The following TTN variants were observed in gnomAD, a reference collection of about 807,000 sequenced individuals.
TTN encodes connectin.
A neutral mutation model predicts 3,223.0 loss-of-function variants in TTN; 1,525 were observed. That is an observed-to-expected ratio of 0.47 (90% confidence interval 0.45 to 0.49). TTN has a LOEUF of 0.49. Ranked by LOEUF, TTN falls within the 20% of genes least tolerant of loss-of-function variation. TTN has a pLI of 0.00. For synonymous variants in TTN, 14,094 were observed against 15,161.0 expected, an observed-to-expected ratio of 0.93 and a Z score of 5.17; for missense variants, 40,786 against 43,424.0, an observed-to-expected ratio of 0.94 and a Z score of 5.40.
chr2:178,649,275 TGGTAACA>T lies in TTN; in HGVS notation c.40023_40029del (p.Val13342LysfsTer45). ...TTTTCTGGAAGAACTTCTGGTTTTT[TGGTAACA>T]GGCACAGGTTCTTTCTTTACTGGAA... On this transcript the variant is annotated frameshift_variant, in exon 213 of 363. Transcript: ENST00000589042. LOFTEE classifies it high-confidence loss of function. 6.7e-7 allele frequency: 1 copy of T among 1,500,990 alleles called. No individual in the cohort carries two copies. Among genetic ancestry groups the T allele is most frequent in the Non-Finnish European group, 8.8e-7 (1 of 1,130,534 alleles). 93.0% of individuals were successfully genotyped at this position (1,500,990 alleles called of 1,614,324 possible). A position where few individuals can be genotyped will look rare whatever the true frequency, so the allele number is the denominator to read the frequency against.
rs181067357 is a variant in TTN at position 178,730,662 on chromosome 2, T to A, written c.17871A>T (p.Gln5957His). Residue 5957 changes from glutamine (Q) to histidine (H), a missense_variant, in exon 61 of 363, where the codon CAA becomes CAT. Transcript: ENST00000589042. ...PISIQWFKDDQEISASEKYKF... is the reference protein window; with the variant it reads ...PISIQWFKDDHEISASEKYKF... ...TGTACTTTTCACTAGCTGATATTTC[T>A]TGGTCATCTTTGAACCACTGGATGC... The A allele has an allele frequency of 1.9e-4, 303 of 1,613,706 alleles. No individual in the cohort carries two copies. The highest frequency in any genetic ancestry group is 2.0e-4 in the Non-Finnish European group (233 of 1,179,700).
At position 178,527,031 on chromosome 2, in the gene TTN, A is replaced by G. The variant is rs1060500541; in HGVS notation, c.107957T>C (p.Ile35986Thr). The G allele has an allele frequency of 1.2e-6, 2 of 1,613,474 alleles. No homozygotes were observed. The highest frequency in any genetic ancestry group is 3.3e-5 in the Admixed American group (2 of 60,002). Residue 35986 changes from isoleucine (I) to threonine (T), a missense_variant, in exon 363 of 363, where the codon ATA becomes ACA. Physicochemically the swap from Ile to Thr is moderately conservative, Grantham distance 89. Transcript: ENST00000589042. ...EFGSDSATVNIHIRSI is the reference protein window; with the variant it reads ...EFGSDSATVNTHIRSI ...GCCCTCTTAAATGGATCGAATATGT[A>G]TATTCACAGTGGCAGAGTCAGATCC...
Position 178,544,307 on chromosome 2 carries a change from G to T in TTN, c.95922C>A (p.Asp31974Glu), listed in dbSNP as rs1239268108. The change falls in exon 345 of 363, where the codon GAC (aspartate) becomes GAA (glutamate). Residue 31974 changes from aspartate (D) to glutamate (E), a missense_variant. By Grantham distance (45) the Asp-to-Glu change is conservative. Coordinates refer to ENST00000589042, the MANE Select transcript of TTN (RefSeq NM_001267550.2). ...TIRNTEFTVP[D>E]LKMGQKYSFR... ...AGGAATATTTCTGGCCCATTTTAAGGTCTGGCACAGTGAATTCAGTATTTC... is the reference window on the plus strand; with the variant it reads ...AGGAATATTTCTGGCCCATTTTAAGTTCTGGCACAGTGAATTCAGTATTTC... 1 of 1,613,746 alleles carries T rather than the reference G, an allele frequency of 6.2e-7. No homozygotes were observed.
chr2:178,741,434 T>G lies in TTN; in HGVS notation c.11799A>C (p.Gly3933=), dbSNP rs375518434. 3.7e-6 allele frequency: 6 copies of G among 1,613,882 alleles called. No homozygotes were observed. Among genetic ancestry groups the G allele is most frequent in the African/African-American group, 2.7e-5 (2 of 75,044 alleles). The change falls in exon 48 of 363, where the codon GGA becomes GGC. Residue 3933 remains glycine, a synonymous_variant. Coordinates refer to ENST00000589042, the MANE Select transcript of TTN (RefSeq NM_001267550.2). ...TAAGGAAGTGAGGAGGACAAGGACC[T>G]CCCAGCTTTTCCAGAGATTTTGCCA... is the stretch of plus-strand genomic sequence containing the variant. ...SAVAKSLEKL[G]GPCPPHFLKE... is the part of the protein sequence containing the mutation.
chr2:178,791,773 G>A (rs956026946), intron 10 of TTN, among the ~76,000 whole-genome samples: 10 of 151,710 alleles, frequency 6.6e-5, no homozygotes, highest in African/African-American at 2.4e-4. Flanking sequence ...CAACTGTCCC[G>A]GTGGGTAACT....
chr2:178,552,825 C>T lies in TTN; in HGVS notation c.90075G>A (p.Val30025=), dbSNP rs1161233801. Residue 30025 remains valine, a synonymous_variant, in exon 335 of 363, where the codon GTG becomes GTA. Coordinates refer to ENST00000589042, the MANE Select transcript of TTN (RefSeq NM_001267550.2). ...IGEPCETTEP[V]KAAEVPAPIR... The stretch of plus-strand genomic sequence containing the variant: ...TAGGAGCTGGTACTTCAGCAGCCTT[C>T]ACTGGCTCTGTAGTTTCACAGGGTT... The T allele has an allele frequency of 2.5e-6, 4 of 1,613,750 alleles. No individual in the cohort carries two copies. Among genetic ancestry groups the T allele is most frequent in the East Asian group, 2.2e-5 (1 of 44,860 alleles).
intron 69 of TTN, 119 bp downstream of exon 69, chr2:178,726,971 G>GA (rs2079447607): frequency 1.8e-6 from 2 of 1,116,268 alleles, no homozygotes; most frequent in East Asian, 5.6e-5. Context: ...TACTAGCTCA[G>GA]AAAAATATTC....
rs1440895469 is a variant in TTN, at chr2:178,547,151, T to C, written c.94374A>G (p.Glu31458=). ...KERNTILWVK[E]NKVPCLECNY... is the part of the protein sequence containing the mutation. ...TGCACTCTAAGCATGGCACTTTGTT[T>C]TCTTTCACCCAAAGAATTGTATTAC... The change falls in exon 340 of 363, where the codon GAA becomes GAG. Residue 31458 remains glutamate, a synonymous_variant. Transcript: ENST00000589042. The C allele has an allele frequency of 1.9e-6, 3 of 1,613,768 alleles. No homozygotes were observed. The highest frequency in any genetic ancestry group is 3.3e-5 in the Admixed American group (2 of 59,994).
chr2:178,789,548 A>T, intron 12 of TTN, 51 bp from the exon 13 acceptor site: 1 of 1,608,712 alleles, frequency 6.2e-7, no homozygotes, highest in Non-Finnish European at 8.5e-7. Context: ...CTTCAAACAC[A>T]CATAGTATGA....
Position 178,599,657 on chromosome 2 carries a change from A to G in TTN, c.56244T>C (p.Thr18748=). ...TCCTGCGAGACTGCGGAATAACTAAAGTGCAAGTATCATCTACCACCAGTT... is the reference window on the plus strand; with the variant it reads ...TCCTGCGAGACTGCGGAATAACTAAGGTGCAAGTATCATCTACCACCAGTT... ...VNKLVVDDTC[T]LVIPQSRRSD... is the part of the protein sequence containing the mutation. Residue 18748 remains threonine (T), a synonymous_variant, in exon 289 of 363, where the codon ACT becomes ACC. Transcript: ENST00000589042. The G allele has an allele frequency of 6.2e-7, 1 of 1,612,976 alleles. No homozygotes were observed. The highest frequency in any genetic ancestry group is 1.3e-5 in the African/African-American group (1 of 74,968).
rs147603843 is a variant in TTN at position 178,782,885 on chromosome 2, C to G, written c.3021G>C (p.Ala1007=). 1.2e-6 allele frequency: 2 copies of G among 1,614,056 alleles called. No individual in the cohort carries two copies. Among genetic ancestry groups the G allele is most frequent in the Non-Finnish European group, 1.7e-6 (2 of 1,179,970 alleles). The change falls in exon 18 of 363, where the codon GCG becomes GCC. Residue 1007 remains alanine, a synonymous_variant. Coordinates refer to ENST00000589042, the MANE Select transcript of TTN (RefSeq NM_001267550.2). The stretch of plus-strand genomic sequence containing the variant: ...TGCAAGTAAATCGCCCGCTGTCTTC[C>G]GCAAATGCTTCGCGAATCATAAGAC... ...IARLMIREAF[A]EDSGRFTCSA... is the part of the protein sequence containing the mutation.
At chr2:178,627,788 A>G (rs1055446917) in intron 240 of TTN, among the ~76,000 whole-genome samples, 17 of 152,064 alleles carry the variant, frequency 1.1e-4, no homozygotes, top group Admixed American at 6.6e-5. Flanking sequence ...TGACAAAAAG[A>G]TATTTGGTAA....
In TTN at chr2:178,586,462, A is replaced by G. The variant is rs762056052; in HGVS notation, c.64396+43T>C. On this transcript the variant is annotated intron_variant, in intron 308 of 362. Transcript: ENST00000589042. Reference sequence around the variant, plus strand: ...GTCTACATATAAAAGAAGAAATTCTAATAAACTTACCACATGACATAAATG... The same window carrying G: ...GTCTACATATAAAAGAAGAAATTCTGATAAACTTACCACATGACATAAATG... 4.4e-6 allele frequency: 7 copies of G among 1,594,238 alleles called. No homozygotes were observed. In the South Asian group the frequency reaches 6.9e-5, roughly 16 times the overall value.
At position 178,548,018 on chromosome 2, in the gene TTN, G is replaced by C. The variant is rs1208518110; in HGVS notation, c.93608C>G (p.Ser31203Cys). 4 of 1,613,824 alleles carry C rather than the reference G, an allele frequency of 2.5e-6. No individual in the cohort carries two copies. The Admixed American group carries it at 5.0e-5, about 20-fold the overall frequency. ...GYSEPREAFS[S>C]VIIKEPQIEP... ...GATTTGAGGCTCCTTAATGATGACAGAAGAGAAGGCTTCTCTGGGTTCACT... is the reference window on the plus strand; with the variant it reads ...GATTTGAGGCTCCTTAATGATGACACAAGAGAAGGCTTCTCTGGGTTCACT... Residue 31203 changes from serine (S) to cysteine (C), a missense_variant, in exon 339 of 363, where the codon TCT becomes TGT. Transcript: ENST00000589042. The surrounding 1 kb of genome is among the most constrained non-coding windows in gnomAD (Gnocchi z 4.3).
Position 178,591,458 on chromosome 2 carries a change from C to T in TTN, c.60267G>A (p.Val20089=). The change falls in exon 304 of 363, where the codon GTG becomes GTA. Residue 20089 remains valine (V), a synonymous_variant. Coordinates refer to ENST00000589042, the MANE Select transcript of TTN (RefSeq NM_001267550.2). ...ELDVKLIEGL[V]VKAGTTVRFP... ...ATCTGACTGTGGTTCCAGCCTTTAC[C>T]ACAAGACCTTCAATTAATTTCACAT... 1 of 1,590,308 alleles carries T rather than the reference C, an allele frequency of 6.3e-7. No individual in the cohort carries two copies. The highest frequency in any genetic ancestry group is 8.5e-7 in the Non-Finnish European group (1 of 1,171,602).
Position 178,680,239 on chromosome 2 carries a change from A to C in TTN, c.33418+15T>G. The C allele has an allele frequency of 1.2e-6, 2 of 1,610,202 alleles. No homozygotes were observed. The highest frequency in any genetic ancestry group is 1.7e-6 in the Non-Finnish European group (2 of 1,178,206). ...AAAAGACGAACAAAACATTAAAATG[A>C]GTGCCATTAGGTACCTCTAACAGGT... On this transcript the variant is annotated intron_variant, in intron 139 of 362. Coordinates refer to ENST00000589042, the MANE Select transcript of TTN (RefSeq NM_001267550.2).
In TTN at chr2:178,624,548, A is replaced by G. The variant is rs754905274; in HGVS notation, c.44732T>C (p.Ile14911Thr). 1 of 1,612,684 alleles carries G rather than the reference A, an allele frequency of 6.2e-7. No homozygotes were observed. Among genetic ancestry groups the G allele is most frequent in the African/African-American group, 1.3e-5 (1 of 74,850 alleles). Residue 14911 changes from isoleucine to threonine, a missense_variant, in exon 242 of 363, where the codon ATA becomes ACA. Ile to Thr is a moderately conservative substitution (Grantham distance 89). Coordinates refer to ENST00000589042, the MANE Select transcript of TTN (RefSeq NM_001267550.2). ...AATATCCTCTGGGGTACAGTCATGT[A>G]TAACAAGTTTTCTGACCCTGCCATC... ...VADGRVRKLV[I>T]HDCTPEDIKT...
At position 178,729,777 on chromosome 2, in the gene TTN, C is replaced by G. The variant is rs1214856110; in HGVS notation, c.18476G>C (p.Gly6159Ala). Residue 6159 changes from glycine (G) to alanine (A), a missense_variant, in exon 63 of 363, where the codon GGT becomes GCT. By Grantham distance (60) the Gly-to-Ala change is moderately conservative (BLOSUM62 0). Transcript: ENST00000589042. ...IQKHGISFID[G>A]LATFQISGAR... The stretch of plus-strand genomic sequence containing the variant: ...ACCAGAAATCTGGAAAGTGGCTAAA[C>G]CATCAATGAAGGAAATGCCATGTTT... 1 of 1,613,608 alleles carries G rather than the reference C, an allele frequency of 6.2e-7. No individual in the cohort carries two copies. The highest frequency in any genetic ancestry group is 1.7e-5 in the Admixed American group (1 of 59,972).
Position 178,723,206 on chromosome 2 carries a change from A to G in TTN, c.21801T>C (p.Gly7267=), listed in dbSNP as rs2078722273. 1 of 1,613,340 alleles carries G rather than the reference A, an allele frequency of 6.2e-7. No homozygotes were observed. Among genetic ancestry groups the G allele is most frequent in the Non-Finnish European group, 8.5e-7 (1 of 1,179,632 alleles). ...LPISVTWKKD[G]FNITTSEKCN... ...ATTTTTCAGAGGTAGTTATGTTAAA[A>G]CCATCCTTTTTCCAAGTGACAGAAA... The change falls in exon 75 of 363, where the codon GGT becomes GGC. Residue 7267 remains glycine, a synonymous_variant. Transcript: ENST00000589042.
Sources: allele counts gnomAD v4.1 joint callset (sites outside exome capture counted in the v4.1 genomes callset), GRCh38; gene constraint gnomAD v4.1.1; non-coding constraint Gnocchi (gnomAD v3.1); transcripts MANE v1.5; gene names NCBI Gene and HGNC (gene_info 2026-07-23, HGNC 2026-07-21).